Variants in PIGZ observed in about 807,000 individuals in gnomAD.
The protein encoded by PIGZ is GPI alpha-1,2-mannosyltransferase 4.
Under a neutral mutation model 16.4 loss-of-function variants are expected in PIGZ, and 16 were observed. The observed-to-expected ratio is 0.97, with a 90% CI of 0.66 to 1.48. PIGZ has a LOEUF of 1.48. PIGZ is among the 40% of genes most tolerant of loss of function. The probability of loss-of-function intolerance (pLI) is 0.00; values close to 1 mark genes in which losing one functional copy is unlikely to be tolerated. For missense variants in PIGZ, 770 were observed against 739.2 expected (o/e 1.04, Z -0.48); for synonymous variants, 409 against 338.4 (o/e 1.21, Z -2.29).
intron 1 of PIGZ, among the ~76,000 whole-genome samples, chr3:196,953,307 G>A (rs996644002): frequency 1.3e-5 from 2 of 152,328 alleles, no homozygotes; most frequent in African/African-American, 4.8e-5. Context: ...CCACAGGCCA[G>A]TATGGCAGGC....
chr3:196,949,120 G>GC (rs1186566288), intron 2 of PIGZ, among the ~76,000 whole-genome samples: 1 of 145,804 alleles, frequency 6.9e-6, no homozygotes, highest in Non-Finnish European at 1.5e-5. Flanking sequence ...CGAGATCACA[G>GC]CTCTCGCTAT....
rs750677163 is a variant in PIGZ, at chr3:196,948,658, C to T, written c.239G>A (p.Arg80Gln). ...AEDILGVQAA[R>Q]PWEFYPSSSC... Reference sequence around the variant, plus strand: ...GCTGCTGGGGTAAAACTCCCAGGGCCGCGCGGCCTGAACGCCCAGGATGTC... The same window carrying T: ...GCTGCTGGGGTAAAACTCCCAGGGCTGCGCGGCCTGAACGCCCAGGATGTC... Residue 80 changes from arginine to glutamine, a missense_variant, in exon 3 of 3, where the codon CGG becomes CAG. Physicochemically the swap from Arg to Gln is conservative, Grantham distance 43 (BLOSUM62 1). Coordinates refer to ENST00000412723, the MANE Select transcript of PIGZ (RefSeq NM_025163.4). The T allele has an allele frequency of 4.4e-5, 64 of 1,462,038 alleles. No individual in the cohort carries two copies. Among genetic ancestry groups the T allele is most frequent in the South Asian group, 1.2e-4 (8 of 69,388 alleles). 90.6% of individuals were successfully genotyped at this position (1,462,038 alleles called of 1,614,324 possible).
Position 196,947,311 on chromosome 3 carries a change from C to A in PIGZ, c.1586G>T (p.Arg529Leu). The A allele has an allele frequency of 1.9e-6, 3 of 1,614,194 alleles. No individual in the cohort carries two copies. The highest frequency in any genetic ancestry group is 2.5e-6 in the Non-Finnish European group (3 of 1,180,020). Residue 529 changes from arginine to leucine, a missense_variant, in exon 3 of 3, where the codon CGT (arginine) becomes CTT (leucine). Transcript: ENST00000412723. ...GGGGAAGCTGCACTTCTCCACGGCA[C>A]GCCTGGTGGTGCCAGGGGTTACCAC... ...LFVVTPGTTR[R>L]AVEKCSFPFK...
rs570096537 is a variant in PIGZ, at chr3:196,947,092, C to A, written c.*65G>T. 2.1e-5 allele frequency: 30 copies of A among 1,438,784 alleles called. No homozygotes were observed. The South Asian group carries it at 3.3e-4, about 16-fold the overall frequency. 89.1% of individuals were successfully genotyped at this position (1,438,784 alleles called of 1,614,324 possible). A position where few individuals can be genotyped will look rare whatever the true frequency, so the allele number is the denominator to read the frequency against. Reference sequence around the variant, plus strand: ...GTCCCAGCGTCCCAGCCCAGCTACCCAAGTAGAAGGTGGGGCGGCATCTTC... The same window carrying A: ...GTCCCAGCGTCCCAGCCCAGCTACCAAAGTAGAAGGTGGGGCGGCATCTTC... On this transcript the variant is annotated 3_prime_UTR_variant, in exon 3 of 3. Coordinates refer to ENST00000412723, the MANE Select transcript of PIGZ (RefSeq NM_025163.4).
chr3:196,946,369 T>C lies in PIGZ; in HGVS notation c.*788A>G, dbSNP rs1203952168. ...AGGGAGAAAATCTCCAGTGCTATTATATATTTCAAACATTACTTGTTTGCA... is the reference window on the plus strand; with the variant it reads ...AGGGAGAAAATCTCCAGTGCTATTACATATTTCAAACATTACTTGTTTGCA... On this transcript the variant is annotated 3_prime_UTR_variant, in exon 3 of 3. Coordinates refer to ENST00000412723, the MANE Select transcript of PIGZ (RefSeq NM_025163.4). The C allele has an allele frequency of 1.3e-5, 2 of 152,272 alleles. No individual in the cohort carries two copies. Among genetic ancestry groups the C allele is most frequent in the Non-Finnish European group, 2.9e-5 (2 of 68,058 alleles). 9.4% of individuals were successfully genotyped at this position (152,272 alleles called of 1,614,324 possible). A position where few individuals can be genotyped will look rare whatever the true frequency, so the allele number is the denominator to read the frequency against.
intron 1 of PIGZ, among the ~76,000 whole-genome samples, chr3:196,953,101 C>A (rs1717355019): frequency 6.6e-6 from 1 of 152,236 alleles, no homozygotes; most frequent in Admixed American, 6.5e-5. Context: ...TGTGGGACTT[C>A]ACCAGCCCCC....
chr3:196,960,735 AAG>A (rs575540145), intron 1 of PIGZ, among the ~76,000 whole-genome samples: 67 of 55,734 alleles, frequency 1.2e-3, no homozygotes, highest in African/African-American at 5.2e-3. Flanking sequence ...AAAAGAAAGA[AAG>A]AGAAAGAAAG....
At chr3:196,964,284 C>T (rs560429319) in intron 1 of PIGZ, among the ~76,000 whole-genome samples, 1 of 151,970 alleles carries the variant, frequency 6.6e-6, no homozygotes, top group South Asian at 2.1e-4. Flanking sequence ...CTCCTGACCT[C>T]GTGATCCGCC....
Position 196,947,109 on chromosome 3 carries a change from G to A in PIGZ, c.*48C>T, listed in dbSNP as rs573718779. 7.5e-5 allele frequency: 111 copies of A among 1,477,758 alleles called. No homozygotes were observed. Among genetic ancestry groups the A allele is most frequent in the Non-Finnish European group, 3.3e-5 (36 of 1,100,832 alleles). The allele number at this position is 1,477,758 out of a possible 1,614,324, so 91.5% of individuals were successfully genotyped here. A position where few individuals can be genotyped will look rare whatever the true frequency, so the allele number is the denominator to read the frequency against. On this transcript the variant is annotated 3_prime_UTR_variant, in exon 3 of 3. Transcript: ENST00000412723. Reference sequence around the variant, plus strand: ...CAGCTACCCAAGTAGAAGGTGGGGCGGCATCTTCTATGGCTGAGTCTTGGG... The same window carrying A: ...CAGCTACCCAAGTAGAAGGTGGGGCAGCATCTTCTATGGCTGAGTCTTGGG...
chr3:196,947,519 G>A lies in PIGZ; in HGVS notation c.1378C>T (p.Leu460Phe). 1.9e-6 allele frequency: 3 copies of A among 1,613,756 alleles called. No individual in the cohort carries two copies. The highest frequency in any genetic ancestry group is 2.7e-5 in the African/African-American group (2 of 75,070). Residue 460 changes from leucine (L) to phenylalanine (F), a missense_variant, in exon 3 of 3, where the codon CTC becomes TTC. By Grantham distance (22) the Leu-to-Phe change is conservative. Coordinates refer to ENST00000412723, the MANE Select transcript of PIGZ (RefSeq NM_025163.4). ...VLPSTPTHYT[L>F]LFTHTYMPPR... ...GGCATGTAGGTGTGAGTGAAGAGGA[G>A]TGTGTAGTGGGTGGGTGTGCTTGGG...
chr3:196,961,324 G>C (rs1717715086), intron 1 of PIGZ, among the ~76,000 whole-genome samples: 1 of 152,184 alleles, frequency 6.6e-6, no homozygotes, highest in Non-Finnish European at 1.5e-5. Context: ...ATTCAGCCTA[G>C]AGCTTGATCA....
Position 196,947,667 on chromosome 3 carries a change from C to G in PIGZ, c.1230G>C (p.Val410=). The change falls in exon 3 of 3, where the codon GTG becomes GTC. Residue 410 remains valine, a synonymous_variant. Coordinates refer to ENST00000412723, the MANE Select transcript of PIGZ (RefSeq NM_025163.4). The part of the protein sequence containing the change: ...VLLCSPQTQP[V]PWKGTVVLFN... ...AGAGGACCACAGTGCCCTTCCAAGG[C>G]ACAGGCTGCGTCTGTGGACTACAAA... 6.2e-7 allele frequency: 1 copy of G among 1,611,510 alleles called. No homozygotes were observed. The highest frequency in any genetic ancestry group is 8.5e-7 in the Non-Finnish European group (1 of 1,178,388).
chr3:196,966,393 GCCCTAACCCCCAAGAAGTCTT>G (rs760035430), intron 1 of PIGZ, among the ~76,000 whole-genome samples: 1 of 152,222 alleles, frequency 6.6e-6, no homozygotes, highest in Non-Finnish European at 1.5e-5. Context: ...TTGCTTAACT[GCCCTAACCCCCAAGAAGTCTT>G]CCCTAACCCT....
At chr3:196,951,509 TA>T (rs751000595) in intron 2 of PIGZ, 38 of 402,966 alleles carry the variant, frequency 9.4e-5, no homozygotes, top group Non-Finnish European at 1.7e-4. Flanking sequence ...AGCCTAACTC[TA>T]ATAAAAGTGT....
chr3:196,952,598 C>T lies in PIGZ; in HGVS notation c.1-567G>A, dbSNP rs146992344. Among the ~76,000 whole-genome samples, 722 of 152,224 alleles carry T rather than the reference C, an allele frequency of 4.7e-3. 4 individuals are homozygous for T. The highest frequency in any genetic ancestry group is 0.016 in the African/African-American group (681 of 41,526). ...GATTACAGGCACACGCCACTACGCC[C>T]GGCTAATTTTTGTATTTTTAGTAGA... On this transcript the variant is annotated intron_variant, in intron 1 of 2. Coordinates refer to ENST00000412723, the MANE Select transcript of PIGZ (RefSeq NM_025163.4).
In PIGZ at chr3:196,947,554, G is replaced by C. The variant is rs1469965254; in HGVS notation, c.1343C>G (p.Ala448Gly). Residue 448 changes from alanine to glycine, a missense_variant, in exon 3 of 3, where the codon GCC becomes GGC. Transcript: ENST00000412723. ...GLEYLEQVVH[A>G]PVLPSTPTHY... ...GGTGGGTGTGCTTGGGAGCACAGGG[G>C]CATGGACCACCTGCTCCAGGTACTC... 6.2e-7 allele frequency: 1 copy of C among 1,613,794 alleles called. No individual in the cohort carries two copies. The highest frequency in any genetic ancestry group is 8.5e-7 in the Non-Finnish European group (1 of 1,179,992).
In PIGZ at chr3:196,947,815, C is replaced by A; in HGVS notation, c.1082G>T (p.Ser361Ile). Reference sequence around the variant, plus strand: ...ATAGGACCTGGGGCTGGACAGCAGGCTCCGGGCACCCAGTGCCCTCAGGAG... The same window carrying A: ...ATAGGACCTGGGGCTGGACAGCAGGATCCGGGCACCCAGTGCCCTCAGGAG... The part of the protein sequence containing the change: ...MGLLRALGAR[S>I]LLSSPRSYLL... The change falls in exon 3 of 3, where the codon AGC (serine) becomes ATC (isoleucine). Residue 361 changes from serine to isoleucine, a missense_variant. Ser to Ile is a moderately radical substitution (Grantham distance 142). Transcript: ENST00000412723. 1 of 1,608,754 alleles carries A rather than the reference C, an allele frequency of 6.2e-7. No individual in the cohort carries two copies. Among genetic ancestry groups the A allele is most frequent in the African/African-American group, 1.3e-5 (1 of 74,826 alleles).
Position 196,948,174 on chromosome 3 carries a change from C to T in PIGZ, c.723G>A (p.Trp241Ter), listed in dbSNP as rs778052394. Residue 241 changes from tryptophan to a stop codon, truncating the protein, a stop_gained, in exon 3 of 3, where the codon TGG becomes TGA. Coordinates refer to ENST00000412723, the MANE Select transcript of PIGZ (RefSeq NM_025163.4). LOFTEE classifies it low-confidence loss of function (END_TRUNC). ...LAFAVVPLYL[W>*]GTRGATNPGL... ...CAGGGTTTGTGGCTCCACGAGTGCC[C>T]CAGAGGTAGAGGGGGACCACAGCAA... 6.2e-7 allele frequency: 1 copy of T among 1,613,786 alleles called. No individual in the cohort carries two copies. The highest frequency in any genetic ancestry group is 8.5e-7 in the Non-Finnish European group (1 of 1,179,818).
At chr3:196,954,410 T>G (rs938815202) in intron 1 of PIGZ, among the ~76,000 whole-genome samples, 5 of 152,266 alleles carry the variant, frequency 3.3e-5, no homozygotes, top group African/African-American at 1.2e-4. Context: ...TATTCTAAAC[T>G]GATTTTTATT....
Sources: gnomAD v4.1 joint callset for allele counts (sites outside exome capture counted in the v4.1 genomes callset) on GRCh38, gnomAD v4.1.1 for gene constraint, MANE v1.5 for transcripts, NCBI Gene and HGNC (gene_info 2026-07-23, HGNC 2026-07-21) for gene names.